Variants in IL12RB2 observed in about 807,000 individuals in gnomAD.
IL12RB2 encodes interleukin 12 receptor subunit beta 2.
A neutral mutation model predicts 89.4 loss-of-function variants in IL12RB2; 82 were observed. The observed-to-expected ratio is 0.92, with a 90% CI of 0.77 to 1.10. The LOEUF (loss-of-function observed/expected upper bound fraction) is 1.10, where lower values mean the gene tolerates loss of function less well. IL12RB2 is among the 50% of genes least tolerant of loss of function. The probability of loss-of-function intolerance (pLI) is 0.00; values close to 1 mark genes in which losing one functional copy is unlikely to be tolerated. For missense variants in IL12RB2, 963 were observed against 1,031.9 expected (o/e 0.93, Z 0.92); for synonymous variants, 368 against 370.1 (o/e 0.99, Z 0.07).
At chr1:67,367,491 A>AG (rs1374838377) in intron 10 of IL12RB2, among the ~76,000 whole-genome samples, 3 of 49,008 alleles carry the variant, frequency 6.1e-5, no homozygotes, top group Middle Eastern at 0.018. Flanking sequence ...AAGGAAGCAA[A>AG]GAAGGAAGGA....
chr1:67,347,685 G>A (rs1660387390), intron 9 of IL12RB2, among the ~76,000 whole-genome samples: 1 of 152,148 alleles, frequency 6.6e-6, no homozygotes, highest in African/African-American at 2.4e-5. Context: ...AAGGAGAGAG[G>A]CAATGGGACT....
chr1:67,369,542 G>A (rs1395152345), intron 11 of IL12RB2, among the ~76,000 whole-genome samples: 1 of 152,172 alleles, frequency 6.6e-6, no homozygotes, highest in Non-Finnish European at 1.5e-5. Context: ...TTTCAGGGCT[G>A]TTATGCCCAT....
At chr1:67,387,064 G>A (rs1467940132) in intron 15 of IL12RB2, among the ~76,000 whole-genome samples, 1 of 151,386 alleles carries the variant, frequency 6.6e-6, no homozygotes, top group African/African-American at 2.4e-5. Flanking sequence ...GAGTAGCTGG[G>A]ATTACAGGTG....
At chr1:67,322,454 A>G (rs1656683284) in intron 4 of IL12RB2, among the ~76,000 whole-genome samples, 1 of 148,624 alleles carries the variant, frequency 6.7e-6, no homozygotes, top group African/African-American at 2.6e-5. Flanking sequence ...AAAAAAAAAA[A>G]AAAAAATCTG....
rs189941960 is a variant in IL12RB2, at chr1:67,323,804, A to T, written c.364+1915A>T. Reference sequence around the variant, plus strand: ...AAGAAACAAGACAGCCAAAGGAAAAACAGAAGGAACTTAGGAGACATTGAG... The same window carrying T: ...AAGAAACAAGACAGCCAAAGGAAAATCAGAAGGAACTTAGGAGACATTGAG... On this transcript the variant is annotated intron_variant, in intron 4 of 16. Transcript: ENST00000674203. Among the ~76,000 whole-genome samples the T allele has an allele frequency of 6.6e-5, 10 of 152,322 alleles. No individual in the cohort carries two copies. The East Asian group carries it at 1.9e-3, about 29-fold the overall frequency.
chr1:67,379,887 C>T (rs916185435), intron 13 of IL12RB2, 99 bp from the exon 14 acceptor site: 99 of 986,918 alleles, frequency 1.0e-4, no homozygotes, highest in Middle Eastern at 2.6e-4. Flanking sequence ...CTTTTTCCTT[C>T]CAAATTAAAT....
chr1:67,349,340 C>T (rs1660575145), intron 9 of IL12RB2, among the ~76,000 whole-genome samples: 2 of 152,208 alleles, frequency 1.3e-5, no homozygotes, highest in Middle Eastern at 3.4e-3. Context: ...GGTAACAGTC[C>T]TATCTCTGGA....
At chr1:67,327,950 C>T (rs113875635) in intron 5 of IL12RB2, among the ~76,000 whole-genome samples, 21 of 152,262 alleles carry the variant, frequency 1.4e-4, no homozygotes, top group Non-Finnish European at 2.4e-4. Flanking sequence ...ATTTCAGCAG[C>T]GTAGGCTTGG....
chr1:67,349,225 G>T (rs150626302), intron 9 of IL12RB2, among the ~76,000 whole-genome samples: 1 of 152,168 alleles, frequency 6.6e-6, no homozygotes, highest in Non-Finnish European at 1.5e-5. Context: ...CAATGTTAGC[G>T]TTGGACTGAA....
At chr1:67,342,218 G>GT (rs369184589) in intron 9 of IL12RB2, among the ~76,000 whole-genome samples, 7,891 of 150,342 alleles carry the variant, frequency 0.052, 235 homozygotes, top group Middle Eastern at 0.072. Flanking sequence ...GGTTTTTTTT[G>GT]TTTTTTTTTG....
chr1:67,341,515 A>G (rs1659544058), intron 9 of IL12RB2, among the ~76,000 whole-genome samples: 1 of 70,348 alleles, frequency 1.4e-5, no homozygotes, highest in South Asian at 4.1e-4. Flanking sequence ...AGAAAGAAGG[A>G]AAGAAAAAAG....
At position 67,389,336 on chromosome 1, in the gene IL12RB2, T is replaced by C. The variant is rs1288845480; in HGVS notation, c.1947-693T>C. The stretch of plus-strand genomic sequence containing the variant: ...GTTAGACAAATTGTAAAGCATACTT[T>C]TAAAAAAAAAAAAAAATCAAAGCTT... On this transcript the variant is annotated intron_variant, in intron 15 of 16. Transcript: ENST00000674203. 3.9e-5 allele frequency among the ~76,000 whole-genome samples: 4 copies of C among 102,774 alleles called. No homozygotes were observed. The East Asian group carries it at 9.0e-4, about 23-fold the overall frequency. The allele number at this position is 102,774 out of a possible 152,430, so 67.4% of individuals were successfully genotyped here.
chr1:67,360,770 T>A (rs1326678222), intron 10 of IL12RB2, among the ~76,000 whole-genome samples: 1 of 150,120 alleles, frequency 6.7e-6, no homozygotes, highest in Non-Finnish European at 1.5e-5. Context: ...CACTCCAGCC[T>A]GGGTGACAGA....
intron 13 of IL12RB2, among the ~76,000 whole-genome samples, chr1:67,376,704 G>A (rs918066738): frequency 1.5e-3 from 27 of 18,546 alleles, no homozygotes; most frequent in Non-Finnish European, 4.1e-3. Flanking sequence ...ATATGTGTGC[G>A]TGTGTGTGTG....
At chr1:67,386,965 G>A (rs181215197) in intron 15 of IL12RB2, among the ~76,000 whole-genome samples, 12 of 141,674 alleles carry the variant, frequency 8.5e-5, no homozygotes, top group Admixed American at 1.5e-4. Flanking sequence ...TTTCACTCTT[G>A]TCGCCCAGGC....
At chr1:67,313,255 G>C (rs1321137689) in intron 1 of IL12RB2, among the ~76,000 whole-genome samples, 1 of 151,184 alleles carries the variant, frequency 6.6e-6, no homozygotes, top group Non-Finnish European at 1.5e-5. Flanking sequence ...GCTGAGTTTT[G>C]TTGTTTCATC....
At chr1:67,375,956 C>T (rs1306763287) in intron 13 of IL12RB2, among the ~76,000 whole-genome samples, 1 of 151,562 alleles carries the variant, frequency 6.6e-6, no homozygotes, top group Non-Finnish European at 1.5e-5. Flanking sequence ...ACGCCATTCT[C>T]CTGCCTCAGC....
At chr1:67,312,034 T>A (rs1655131325) in intron 1 of IL12RB2, among the ~76,000 whole-genome samples, 1 of 152,186 alleles carries the variant, frequency 6.6e-6, no homozygotes, top group Admixed American at 6.5e-5. Flanking sequence ...GAAAAAACCT[T>A]TCCAATACAC....
rs563690315 is a variant in IL12RB2 at position 67,398,364 on chromosome 1, C to G, written c.*2275C>G. Among the ~76,000 whole-genome samples, 9 of 152,116 alleles carry G rather than the reference C, an allele frequency of 5.9e-5. No individual in the cohort carries two copies. In the South Asian group the frequency reaches 1.9e-3, roughly 32 times the overall value. On this transcript the variant is annotated 3_prime_UTR_variant, in exon 17 of 17. Transcript: ENST00000674203. Reference sequence around the variant, plus strand: ...ATCTTTGGTTTCCTTTTGATTATCTCTCATCCATCTCAGCCACTATTCTCC... The same window carrying G: ...ATCTTTGGTTTCCTTTTGATTATCTGTCATCCATCTCAGCCACTATTCTCC...
Sources: allele counts gnomAD v4.1 joint callset (sites outside exome capture counted in the v4.1 genomes callset), GRCh38; gene constraint gnomAD v4.1.1; transcripts MANE v1.5; gene names NCBI Gene and HGNC (gene_info 2026-07-23, HGNC 2026-07-21).